The following USP54 variants were observed in gnomAD, a reference collection of about 807,000 sequenced individuals.
The protein encoded by USP54 is ubiquitin specific peptidase 54.
A neutral mutation model predicts 170.5 loss-of-function variants in USP54; 87 were observed. The observed-to-expected ratio is 0.51, with a 90% CI of 0.43 to 0.61. USP54 has a LOEUF of 0.61. USP54 is among the 20% of genes least tolerant of loss of function. The probability of loss-of-function intolerance (pLI) is 0.00; values close to 1 mark genes in which losing one functional copy is unlikely to be tolerated. For synonymous variants in USP54, 655 were observed against 742.8 expected (o/e 0.88, Z 1.92); for missense variants, 1,786 against 2,047.8 (o/e 0.87, Z 2.47).
intron 20 of USP54, chr10:73,507,015 G>A (rs1314923781): frequency 6.6e-6 from 1 of 151,820 alleles, no homozygotes; most frequent in Non-Finnish European, 1.5e-5. Flanking sequence ...ATACATTATG[G>A]TTTAATACCA....
intron 12 of USP54, among the ~76,000 whole-genome samples, chr10:73,531,068 C>A (rs1342958271): frequency 1.3e-5 from 2 of 152,046 alleles, no homozygotes; most frequent in Non-Finnish European, 2.9e-5. Context: ...GAGGCTAAGG[C>A]GGGCAGATCA....
At chr10:73,533,458 C>T (rs2064482362) in intron 12 of USP54, among the ~76,000 whole-genome samples, 1 of 151,686 alleles carries the variant, frequency 6.6e-6, no homozygotes, top group Non-Finnish European at 1.5e-5. Flanking sequence ...CTAGACTGGC[C>T]ATGAGTTATA....
At chr10:73,594,857 T>C (rs949332751), upstream of USP54, among the ~76,000 whole-genome samples, 1 of 151,868 alleles carries the variant, frequency 6.6e-6, no homozygotes, top group Non-Finnish European at 1.5e-5. Context: ...TACCATGAAG[T>C]AGATGAAAAA....
At chr10:73,558,239 T>C (rs990207008) in intron 4 of USP54, among the ~76,000 whole-genome samples, 4 of 152,232 alleles carry the variant, frequency 2.6e-5, no homozygotes, top group African/African-American at 9.6e-5. Context: ...AATGACATAC[T>C]GACACAAACT....
chr10:73,623,500 T>C (rs907902900), intron 1 of USP54, among the ~76,000 whole-genome samples: 1 of 152,010 alleles, frequency 6.6e-6, no homozygotes, highest in Non-Finnish European at 1.5e-5. Context: ...TAAAAATAAA[T>C]CAGCTGGGCA....
At chr10:73,608,783 G>A (rs1589398244) in intron 1 of USP54, among the ~76,000 whole-genome samples, 1 of 152,282 alleles carries the variant, frequency 6.6e-6, no homozygotes, top group East Asian at 1.9e-4. Flanking sequence ...TGTAGTCCCA[G>A]CTACACAGGA....
chr10:73,567,628 CGCCA>C lies in USP54; in HGVS notation c.240+3789_240+3792del, dbSNP rs2074143650. Among the ~76,000 whole-genome samples, 22 of 152,204 alleles carry C rather than the reference CGCCA, an allele frequency of 1.4e-4. 1 individual carries two copies. The South Asian group carries it at 4.4e-3, about 30-fold the overall frequency. ...CAGAGGTTGCAGTGAGCTGAGGTCG[CGCCA>C]TTGCACTCCAGTCTGTGCAACAAGA... On this transcript the variant is annotated intron_variant, in intron 4 of 23. Coordinates refer to ENST00000687698, the MANE Select transcript of USP54 (RefSeq NM_001391956.1).
In USP54 at chr10:73,511,423, A is replaced by C. The variant is rs181665787; in HGVS notation, c.4051+4952T>G. ...CACCTGTAATCCCAGCACTTTGGGA[A>C]GCTGAGGCAGGTGGATTGCTTGAGC... On this transcript the variant is annotated intron_variant, in intron 20 of 23. Transcript: ENST00000687698. Among the ~76,000 whole-genome samples the C allele has an allele frequency of 4.8e-3, 731 of 151,964 alleles. 1 individual carries two copies. Among genetic ancestry groups the C allele is most frequent in the Non-Finnish European group, 8.5e-3 (576 of 67,966 alleles).
chr10:73,542,667 G>A (rs1399008351), intron 7 of USP54, 136 bp downstream of exon 7: 3 of 776,900 alleles, frequency 3.9e-6, no homozygotes, highest in Non-Finnish European at 6.1e-6. Flanking sequence ...GGAGGCGGAG[G>A]TTGCAGTAAG....
chr10:73,591,330 T>C lies in USP54; in HGVS notation c.-634A>G, dbSNP rs756897345. ...AGACCTCTAATCACGAGGGTATCTG[T>C]GGGGCAAGTGATACAAGAATGGGGA... On this transcript the variant is annotated 5_prime_UTR_variant, in exon 1 of 24. Coordinates refer to ENST00000687698, the MANE Select transcript of USP54 (RefSeq NM_001391956.1). 9.9e-5 allele frequency: 15 copies of C among 152,122 alleles called. No individual in the cohort carries two copies. Among genetic ancestry groups the C allele is most frequent in the African/African-American group, 2.9e-4 (12 of 41,472 alleles). The allele number at this position is 152,122 out of a possible 1,614,324, so 9.4% of individuals were successfully genotyped here.
At chr10:73,521,142 A>G in intron 17 of USP54, 115 bp from the exon 18 acceptor site, 3 of 1,372,672 alleles carry the variant, frequency 2.2e-6, no homozygotes, top group Non-Finnish European at 3.0e-6. Flanking sequence ...GTCTACCCTT[A>G]TTCCAACTGT....
chr10:73,609,033 G>C (rs1411963128), intron 1 of USP54, among the ~76,000 whole-genome samples: 1 of 152,192 alleles, frequency 6.6e-6, no homozygotes, highest in Non-Finnish European at 1.5e-5. Flanking sequence ...CTTATATCAA[G>C]CTGTAAAATA....
intron 4 of USP54, among the ~76,000 whole-genome samples, chr10:73,570,550 C>CTTTTTT (rs554652532): frequency 1.5e-4 from 20 of 132,216 alleles, no homozygotes; most frequent in Middle Eastern, 4.0e-3. Context: ...TTTCCTTTTT[C>CTTTTTT]TTTTTTTTTT....
At chr10:73,604,935 G>T (rs1296203988) in intron 1 of USP54, among the ~76,000 whole-genome samples, 1 of 152,128 alleles carries the variant, frequency 6.6e-6, no homozygotes, top group Non-Finnish European at 1.5e-5. Context: ...AGCTGGGGTG[G>T]ACAGCTTTTA....
intron 3 of USP54, 48 bp downstream of exon 3, chr10:73,575,464 C>T: frequency 6.6e-7 from 1 of 1,523,174 alleles, no homozygotes; most frequent in South Asian, 1.3e-5. Context: ...AATACAGCAT[C>T]AGCAATTAAA....
At chr10:73,537,025 A>G (rs1485608777) in intron 10 of USP54, among the ~76,000 whole-genome samples, 1 of 152,216 alleles carries the variant, frequency 6.6e-6, no homozygotes, top group African/African-American at 2.4e-5. Context: ...CTGTTACCAT[A>G]GTGGAAAAGA....
chr10:73,518,284 C>A (rs2061362747), intron 19 of USP54: 1 of 961,828 alleles, frequency 1.0e-6, no homozygotes, highest in South Asian at 4.8e-5. Flanking sequence ...CAGAAATTAA[C>A]CATTTCAAAT....
intron 9 of USP54, among the ~76,000 whole-genome samples, chr10:73,540,723 T>C (rs2066444953): frequency 6.6e-6 from 1 of 152,132 alleles, no homozygotes; most frequent in South Asian, 2.1e-4. Context: ...GCCTCCTGAG[T>C]AGCTGGGACT....
chr10:73,588,182 T>C (rs960775216), intron 1 of USP54, among the ~76,000 whole-genome samples: 1 of 152,234 alleles, frequency 6.6e-6, no homozygotes, highest in Admixed American at 6.5e-5. Context: ...TGTATCCTTT[T>C]TTTTTTCTTA....
Sources: allele counts gnomAD v4.1 joint callset (sites outside exome capture counted in the v4.1 genomes callset), GRCh38; gene constraint gnomAD v4.1.1; transcripts MANE v1.5; gene names NCBI Gene and HGNC (gene_info 2026-07-23, HGNC 2026-07-21).